Variants in NRG1 observed in about 807,000 individuals in gnomAD.
NRG1 encodes the protein pro-neuregulin-1, membrane-bound isoform.
A neutral mutation model predicts 63.8 loss-of-function variants in NRG1; 18 were observed. The observed-to-expected ratio is 0.28, with a 90% CI of 0.19 to 0.42. The LOEUF is 0.42. NRG1 is among the 10% of genes least tolerant of loss of function. The probability of loss-of-function intolerance (pLI) is 1.00; values close to 1 mark genes in which losing one functional copy is unlikely to be tolerated. For synonymous variants in NRG1, 302 were observed against 301.3 expected (o/e 1.00, Z -0.02); for missense variants, 762 against 814.7 (o/e 0.94, Z 0.79).
intron 1 of NRG1, chr8:32,442,688 T>C (rs963741588): frequency 6.6e-6 from 1 of 152,162 alleles, no homozygotes; most frequent in African/African-American, 2.4e-5. Flanking sequence ...CTATATAGCA[T>C]ATGCTTAACT....
At chr8:32,155,878 T>G (rs1563848642) in intron 1 of NRG1, among the ~76,000 whole-genome samples, 1 of 152,234 alleles carries the variant, frequency 6.6e-6, no homozygotes, top group East Asian at 1.9e-4. Context: ...TGATTTTGTC[T>G]GCCTGATGTC....
chr8:32,339,356 A>G (rs1326647430), intron 1 of NRG1, among the ~76,000 whole-genome samples: 2 of 152,168 alleles, frequency 1.3e-5, no homozygotes, highest in African/African-American at 2.4e-5. Flanking sequence ...TGTCTCTTAG[A>G]TATCTTGAAG....
intron 1 of NRG1, among the ~76,000 whole-genome samples, chr8:32,411,165 C>T (rs576844578): frequency 6.6e-5 from 10 of 152,224 alleles, no homozygotes; most frequent in South Asian, 2.1e-4. Context: ...TGAGCCACCA[C>T]GCCCAGCCAG....
intron 1 of NRG1, among the ~76,000 whole-genome samples, chr8:31,911,440 T>C (rs1370612775): frequency 6.6e-6 from 1 of 152,116 alleles, no homozygotes; most frequent in East Asian, 1.9e-4. Context: ...GGCAGGAACA[T>C]GGATGGAGCT....
intron 1 of NRG1, among the ~76,000 whole-genome samples, chr8:32,405,165 T>C (rs1299219027): frequency 6.6e-6 from 1 of 152,176 alleles, no homozygotes; most frequent in Non-Finnish European, 1.5e-5. Flanking sequence ...GCAAACCCAG[T>C]TGGAGGAAAG....
intron 1 of NRG1, among the ~76,000 whole-genome samples, chr8:31,854,471 T>G (rs1181643783): frequency 6.6e-6 from 1 of 151,764 alleles, no homozygotes; most frequent in Admixed American, 6.6e-5. Context: ...CCTTTATCAT[T>G]TTTTATTGTG....
chr8:32,361,960 C>G (rs965129531), intron 1 of NRG1, among the ~76,000 whole-genome samples: 5 of 152,142 alleles, frequency 3.3e-5, no homozygotes, highest in Admixed American at 2.6e-4. Flanking sequence ...GGTCCTGCTT[C>G]CTTTCACAAA....
chr8:31,734,775 T>C (rs1357397830), intron 1 of NRG1, among the ~76,000 whole-genome samples: 1 of 152,208 alleles, frequency 6.6e-6, no homozygotes. Flanking sequence ...GCACCAGGAC[T>C]GAACCTGTGG....
At chr8:32,593,180 G>T (rs1049019489) in intron 1 of NRG1, among the ~76,000 whole-genome samples, 6 of 152,128 alleles carry the variant, frequency 3.9e-5, no homozygotes, top group Admixed American at 3.9e-4. Context: ...AAGGCATTTT[G>T]CTTAGAGGCA....
At chr8:32,250,058 G>C (rs1848943640) in intron 1 of NRG1, among the ~76,000 whole-genome samples, 1 of 152,010 alleles carries the variant, frequency 6.6e-6, no homozygotes, top group Admixed American at 6.6e-5. Flanking sequence ...AGGGTAGAGA[G>C]GTTTCTTAAT....
chr8:32,716,623 T>C (rs1819292433), intron 5 of NRG1, among the ~76,000 whole-genome samples: 1 of 152,200 alleles, frequency 6.6e-6, no homozygotes, highest in Admixed American at 6.5e-5. Flanking sequence ...GACCTTAATA[T>C]TCCTTGTGTC....
At chr8:31,916,437 G>A (rs888798408) in intron 1 of NRG1, among the ~76,000 whole-genome samples, 1 of 152,074 alleles carries the variant, frequency 6.6e-6, no homozygotes, top group Non-Finnish European at 1.5e-5. Context: ...TCCCACCTAT[G>A]AGTGAGAATA....
chr8:32,302,253 A>T (rs1855658046), intron 1 of NRG1, among the ~76,000 whole-genome samples: 1 of 152,216 alleles, frequency 6.6e-6, no homozygotes, highest in Admixed American at 6.5e-5. Context: ...AGAAGTGGAT[A>T]AAACAGTGTC....
At chr8:32,494,996 A>G (rs998177560) in intron 1 of NRG1, among the ~76,000 whole-genome samples, 1 of 152,186 alleles carries the variant, frequency 6.6e-6, no homozygotes, top group African/African-American at 2.4e-5. Context: ...AGAAAACTAC[A>G]AAAAAATACA....
intron 1 of NRG1, among the ~76,000 whole-genome samples, chr8:32,173,386 A>T (rs1234944585): frequency 6.6e-6 from 1 of 152,228 alleles, no homozygotes; most frequent in Non-Finnish European, 1.5e-5. Context: ...CTGCAAAAAC[A>T]TGCCAAATTG....
chr8:31,949,719 A>AT (rs937581983), intron 1 of NRG1, among the ~76,000 whole-genome samples: 1 of 152,030 alleles, frequency 6.6e-6, no homozygotes, highest in Non-Finnish European at 1.5e-5. Context: ...TGTGTAGGGG[A>AT]TTTTAAACAT....
rs766426981 is a variant in NRG1, at chr8:32,509,267, AT to A, written c.38-86555del. Among the ~76,000 whole-genome samples, 313 of 150,560 alleles carry A rather than the reference AT, an allele frequency of 2.1e-3. 1 individual carries two copies. Among genetic ancestry groups the A allele is most frequent in the Non-Finnish European group, 3.7e-3 (252 of 67,688 alleles). On this transcript the variant is annotated intron_variant, in intron 1 of 10. Transcript: ENST00000519301. ...ACCATCACACCCAGCTAATTTTTGT[AT>A]TTTTTCATAGAGATGAGGTTTCACC...
chr8:32,366,653 T>TAGTGTG (rs752372898), intron 1 of NRG1, among the ~76,000 whole-genome samples: 30 of 101,968 alleles, frequency 2.9e-4, no homozygotes, highest in African/African-American at 1.0e-3. Flanking sequence ...GTAATATATA[T>TAGTGTG]TGTGTGTGTG....
chr8:32,546,995 C>G (rs910344292), upstream of NRG1, among the ~76,000 whole-genome samples: 1 of 152,136 alleles, frequency 6.6e-6, no homozygotes, highest in Non-Finnish European at 1.5e-5. Flanking sequence ...AAATGGAAAA[C>G]CAAGAGCAAG....
Sources: gnomAD v4.1 joint callset for allele counts (sites outside exome capture counted in the v4.1 genomes callset) on GRCh38, gnomAD v4.1.1 for gene constraint, MANE v1.5 for transcripts, NCBI Gene and HGNC (gene_info 2026-07-23, HGNC 2026-07-21) for gene names.